Variants in ZC4H2 observed in about 807,000 individuals in gnomAD.
ZC4H2 encodes zinc finger C4H2-type containing, also known as zinc finger C4H2 domain-containing protein.
For missense variants in ZC4H2, 137 were observed against 173.9 expected (o/e 0.79, Z 1.19); for synonymous variants, 84 against 66.3 (o/e 1.27, Z -1.30).
chrX:65,003,544 T>C (rs1052545716), intron 1 of ZC4H2, among the ~76,000 whole-genome samples: 1 of 110,679 alleles, frequency 9.0e-6, no homozygotes, highest in Non-Finnish European at 1.9e-5. Context: ...GCGAGACTAA[T>C]AAAGAAGAAA....
At chrX:65,018,615 G>A (rs1932813213) in intron 1 of ZC4H2, among the ~76,000 whole-genome samples, 1 of 109,278 alleles carries the variant, frequency 9.2e-6, no homozygotes, top group Admixed American at 9.6e-5. Context: ...CATTTGGGCA[G>A]ACACTGGGCT....
chrX:64,939,691 C>T (rs1930177191), intron 1 of ZC4H2, among the ~76,000 whole-genome samples: 1 of 112,122 alleles, frequency 8.9e-6, no homozygotes, highest in African/African-American at 3.2e-5. Flanking sequence ...AAAGGATTCC[C>T]TATTTAATAA....
chrX:64,950,711 T>G (rs1384434835), intron 1 of ZC4H2, among the ~76,000 whole-genome samples: 1 of 111,185 alleles, frequency 9.0e-6, no homozygotes, highest in South Asian at 3.8e-4. Context: ...TAGATCTTCC[T>G]CCATCCCTTT....
intron 1 of ZC4H2, among the ~76,000 whole-genome samples, chrX:64,972,167 T>C (rs745662821): frequency 9.0e-6 from 1 of 111,487 alleles, no homozygotes; most frequent in South Asian, 3.8e-4. Context: ...TAGATTAGTG[T>C]AGGATTTGGA....
intron 1 of ZC4H2, among the ~76,000 whole-genome samples, chrX:64,958,715 T>C (rs1354007786): frequency 9.0e-6 from 1 of 111,164 alleles, no homozygotes; most frequent in East Asian, 2.8e-4. Flanking sequence ...ATTCTTACTT[T>C]GATTAAGCAG....
chrX:64,962,326 T>A (rs2147405091), intron 1 of ZC4H2, among the ~76,000 whole-genome samples: 1 of 111,579 alleles, frequency 9.0e-6, no homozygotes, highest in African/African-American at 3.2e-5. Context: ...ATCATCTCAA[T>A]AAATGCAGAA....
intron 1 of ZC4H2, among the ~76,000 whole-genome samples, chrX:64,965,745 G>A (rs1018741879): frequency 2.6e-4 from 28 of 109,625 alleles, no homozygotes; most frequent in Admixed American, 9.8e-5. Flanking sequence ...AGACCACCCT[G>A]GGTAACATAG....
At chrX:65,006,285 A>T (rs1452111371) in intron 1 of ZC4H2, among the ~76,000 whole-genome samples, 1 of 111,884 alleles carries the variant, frequency 8.9e-6, no homozygotes, top group Non-Finnish European at 1.9e-5. Flanking sequence ...CACTATTTAC[A>T]ATAGCATAGA....
chrX:65,025,386 G>A (rs1476356529), intron 1 of ZC4H2, among the ~76,000 whole-genome samples: 2 of 110,257 alleles, frequency 1.8e-5, no homozygotes, highest in Non-Finnish European at 1.9e-5. Flanking sequence ...GTTCTGTGCT[G>A]CTACTATTGG....
chrX:64,949,338 T>C (rs1191579601), intron 1 of ZC4H2, among the ~76,000 whole-genome samples: 1 of 111,847 alleles, frequency 8.9e-6, no homozygotes, highest in Non-Finnish European at 1.9e-5. Context: ...TGACTAACAG[T>C]TTTTGCCTTC....
chrX:65,015,999 A>G (rs1024027841), intron 1 of ZC4H2, among the ~76,000 whole-genome samples: 1 of 111,731 alleles, frequency 9.0e-6, no homozygotes, highest in Non-Finnish European at 1.9e-5. Flanking sequence ...TATATAGCCA[A>G]AAAAGTTCAT....
chrX:64,950,869 A>G (rs374399533), intron 1 of ZC4H2, among the ~76,000 whole-genome samples: 3 of 110,256 alleles, frequency 2.7e-5, no homozygotes, highest in East Asian at 2.8e-4. Context: ...GGTTAGTTAC[A>G]TATGTATACA....
intron 1 of ZC4H2, among the ~76,000 whole-genome samples, chrX:64,984,816 A>G (rs1932148242): frequency 8.9e-6 from 1 of 112,299 alleles, no homozygotes; most frequent in African/African-American, 3.2e-5. Context: ...TTAAACTACA[A>G]ACTAAATTCC....
rs1928916908 is a variant in ZC4H2, at chrX:64,916,281, G to A, written c.*1502C>T. 1 of 111,465 alleles carries A rather than the reference G, an allele frequency of 9.0e-6. No individual in the cohort carries two copies. The highest frequency in any genetic ancestry group is 9.6e-5 in the Admixed American group (1 of 10,463). The allele number at this position is 111,465 out of a possible 1,213,427, so 9.2% of individuals were successfully genotyped here. A position where few individuals can be genotyped will look rare whatever the true frequency, so the allele number is the denominator to read the frequency against. On this transcript the variant is annotated 3_prime_UTR_variant, in exon 5 of 5. Transcript: ENST00000374839. Reference sequence around the variant, plus strand: ...GCACAGAGTAGGTGCTAAATAAATGGAAATTATTGTGATAATTAGGTAAAT... The same window carrying A: ...GCACAGAGTAGGTGCTAAATAAATGAAAATTATTGTGATAATTAGGTAAAT...
In ZC4H2 at chrX:64,982,723, G is replaced by A. The variant is rs181895172; in HGVS notation, c.-272+51906C>T. Among the ~76,000 whole-genome samples, 165 of 111,994 alleles carry A rather than the reference G, an allele frequency of 1.5e-3. 2 individuals carry two copies. The highest frequency in any genetic ancestry group is 5.2e-3 in the African/African-American group (161 of 30,849). The stretch of plus-strand genomic sequence containing the variant: ...GGGCAAAATGGCTTCATTTATAGTA[G>A]AAGCGTTAGAGGGATGATAACTTAT... On this transcript the variant is annotated intron_variant, in intron 1 of 4. Transcript: ENST00000337990.
At chrX:64,973,008 C>T (rs1483690405) in intron 1 of ZC4H2, among the ~76,000 whole-genome samples, 1 of 111,597 alleles carries the variant, frequency 9.0e-6, no homozygotes, top group Non-Finnish European at 1.9e-5. Flanking sequence ...GTTATGTCTT[C>T]TTGGTAGATT....
At chrX:65,007,930 G>A (rs190459075) in intron 1 of ZC4H2, among the ~76,000 whole-genome samples, 42 of 111,696 alleles carry the variant, frequency 3.8e-4, no homozygotes, top group African/African-American at 1.4e-3. Flanking sequence ...GGCCCCAAAA[G>A]CTCAGGTGAC....
chrX:65,027,538 CTTA>C (rs1433455503), intron 1 of ZC4H2, among the ~76,000 whole-genome samples: 2 of 111,299 alleles, frequency 1.8e-5, no homozygotes, highest in Non-Finnish European at 3.8e-5. Context: ...ATCAGCAAGG[CTTA>C]TTAACTTAGT....
At chrX:65,005,823 T>C (rs1932644513) in intron 1 of ZC4H2, among the ~76,000 whole-genome samples, 1 of 108,688 alleles carries the variant, frequency 9.2e-6, no homozygotes, top group Non-Finnish European at 1.9e-5. Context: ...GACAAAGGGC[T>C]AATATACAGA....
Sources: gnomAD v4.1 joint callset for allele counts (sites outside exome capture counted in the v4.1 genomes callset) on GRCh38, gnomAD v4.1.1 for gene constraint, MANE v1.5 for transcripts, NCBI Gene and HGNC (gene_info 2026-07-23, HGNC 2026-07-21) for gene names.